ADAMTSL1: variants seen among roughly 807,000 people sequenced by gnomAD.
The protein encoded by ADAMTSL1 is ADAMTS like 1.
ADAMTSL1 carries 126 observed loss-of-function variants against 201.8 expected under a neutral mutation model. That is an observed-to-expected ratio of 0.62 (90% confidence interval 0.54 to 0.72). The LOEUF (loss-of-function observed/expected upper bound fraction) is 0.72, where lower values mean the gene tolerates loss of function less well. Ranked by LOEUF, ADAMTSL1 falls within the 30% of genes least tolerant of loss-of-function variation. ADAMTSL1 has a pLI of 0.00. For synonymous variants in ADAMTSL1, 1,121 were observed against 903.4 expected (o/e 1.24, Z -4.32); for missense variants, 2,679 against 2,277.8 (o/e 1.18, Z -3.59).
chr9:18,348,207 T>C lies in ADAMTSL1; in HGVS notation c.208-156622T>C, dbSNP rs190404205. On this transcript the variant is annotated intron_variant, in intron 2 of 29. Coordinates refer to the ADAMTSL1 transcript ENST00000680146. ...GTATTTTCTGTTTATAATGAACTTT[T>C]AGTTAACTTGGATGGTTAAAACAAA... Among the ~76,000 whole-genome samples, 3 of 152,334 alleles carry C rather than the reference T, an allele frequency of 2.0e-5. No individual in the cohort carries two copies. The East Asian group carries it at 5.8e-4, about 29-fold the overall frequency.
intron 2 of ADAMTSL1, among the ~76,000 whole-genome samples, chr9:18,507,147 A>T (rs1173317850): frequency 6.6e-6 from 1 of 152,234 alleles, no homozygotes; most frequent in Non-Finnish European, 1.5e-5. Flanking sequence ...GATTTGTATT[A>T]TTAGGCTAAA....
At chr9:18,451,558 T>C (rs889645427) in intron 2 of ADAMTSL1, among the ~76,000 whole-genome samples, 2 of 152,202 alleles carry the variant, frequency 1.3e-5, no homozygotes, top group Non-Finnish European at 2.9e-5. Context: ...AAATTTCTAT[T>C]ACTCAACCAG....
chr9:18,769,935 G>C (rs1327785030), intron 16 of ADAMTSL1, among the ~76,000 whole-genome samples: 3 of 152,132 alleles, frequency 2.0e-5, no homozygotes, highest in African/African-American at 7.2e-5. Context: ...CATGCCCCTG[G>C]ATCATAACTA....
intron 1 of ADAMTSL1, among the ~76,000 whole-genome samples, chr9:17,944,038 C>A (rs1005898919): frequency 7.3e-5 from 11 of 151,050 alleles, no homozygotes; most frequent in Admixed American, 2.0e-4. Flanking sequence ...AGCAATCCAC[C>A]CTATGATTCA....
intron 2 of ADAMTSL1, among the ~76,000 whole-genome samples, chr9:18,171,378 G>T (rs1827881551): frequency 6.6e-6 from 1 of 151,778 alleles, no homozygotes; most frequent in African/African-American, 2.4e-5. Context: ...ACTTAACTAG[G>T]ACATAAAAAG....
intron 1 of ADAMTSL1, among the ~76,000 whole-genome samples, chr9:18,049,278 A>G (rs1821815126): frequency 6.6e-6 from 1 of 152,220 alleles, no homozygotes; most frequent in African/African-American, 2.4e-5. Flanking sequence ...TTACATAGTT[A>G]AAATTAATAA....
At chr9:18,325,026 A>G (rs1834773917) in intron 2 of ADAMTSL1, among the ~76,000 whole-genome samples, 1 of 152,206 alleles carries the variant, frequency 6.6e-6, no homozygotes, top group Non-Finnish European at 1.5e-5. Flanking sequence ...GGAAAATGCA[A>G]ATTATAATCA....
In ADAMTSL1 at chr9:18,706,902, C is replaced by A; in HGVS notation, c.1730C>A (p.Ala577Asp). The A allele has an allele frequency of 1.2e-6, 2 of 1,613,974 alleles. No individual in the cohort carries two copies. Among genetic ancestry groups the A allele is most frequent in the Non-Finnish European group, 1.7e-6 (2 of 1,179,882 alleles). Reference protein sequence around the residue: ...CEGPKPASQRACYAGPCSGEI... With the variant: ...CEGPKPASQRDCYAGPCSGEI... ...GGGCCCAAGCCAGCATCCCAGCGTG[C>A]CTGTTATGCAGGCCCATGCAGCGGG... Residue 577 changes from alanine to aspartate, a missense_variant, in exon 14 of 29, where the codon GCC (alanine) becomes GAC (aspartate). Transcript: ENST00000380548.
chr9:18,473,451 A>G (rs1821299113), upstream of ADAMTSL1, among the ~76,000 whole-genome samples: 1 of 152,142 alleles, frequency 6.6e-6, no homozygotes, highest in African/African-American at 2.4e-5. Flanking sequence ...TTCAATTGTC[A>G]CTTTACAGAG....
At chr9:18,601,838 A>G (rs572829394) in intron 4 of ADAMTSL1, among the ~76,000 whole-genome samples, 8 of 151,926 alleles carry the variant, frequency 5.3e-5, no homozygotes, top group African/African-American at 1.9e-4. Context: ...TATTATATAT[A>G]TAGTGTATAT....
chr9:18,255,523 T>G (rs2132510680), intron 2 of ADAMTSL1, among the ~76,000 whole-genome samples: 1 of 152,352 alleles, frequency 6.6e-6, no homozygotes. Flanking sequence ...TGAGCATTTC[T>G]GTGACTCCCC....
At chr9:18,103,236 C>A (rs907777130) in intron 1 of ADAMTSL1, among the ~76,000 whole-genome samples, 6 of 151,892 alleles carry the variant, frequency 4.0e-5, no homozygotes, top group African/African-American at 1.5e-4. Context: ...GACATCTGGG[C>A]TTTTCATTGT....
At chr9:18,787,068 T>C (rs896208863) in intron 19 of ADAMTSL1, among the ~76,000 whole-genome samples, 10 of 152,146 alleles carry the variant, frequency 6.6e-5, no homozygotes, top group African/African-American at 1.9e-4. Flanking sequence ...GTACAAGTCA[T>C]AAGCACATGA....
At chr9:17,973,241 G>T (rs1418289616) in intron 1 of ADAMTSL1, among the ~76,000 whole-genome samples, 10 of 150,576 alleles carry the variant, frequency 6.6e-5, no homozygotes, top group South Asian at 2.1e-4. Context: ...TCCTTGCCCA[G>T]GCCTATGTCC....
intron 23 of ADAMTSL1, among the ~76,000 whole-genome samples, chr9:18,862,612 A>G (rs1827279978): frequency 6.6e-6 from 1 of 152,232 alleles, no homozygotes; most frequent in South Asian, 2.1e-4. Flanking sequence ...TGTGCGTGAT[A>G]GATAAGTATA....
intron 13 of ADAMTSL1, among the ~76,000 whole-genome samples, chr9:18,695,656 A>G (rs1432245137): frequency 6.6e-6 from 1 of 152,206 alleles, no homozygotes; most frequent in Non-Finnish European, 1.5e-5. Context: ...TATCACTAGC[A>G]TTTTGATTAC....
intron 20 of ADAMTSL1, among the ~76,000 whole-genome samples, chr9:18,806,289 C>T (rs1588141212): frequency 6.6e-6 from 1 of 152,182 alleles, no homozygotes; most frequent in African/African-American, 2.4e-5. Flanking sequence ...GTACTTTGGG[C>T]CAAGAAGTGG....
At chr9:17,979,660 G>C (rs561637327) in intron 1 of ADAMTSL1, among the ~76,000 whole-genome samples, 3 of 151,686 alleles carry the variant, frequency 2.0e-5, no homozygotes, top group African/African-American at 7.3e-5. Flanking sequence ...TTTGTTCTTT[G>C]GTGGTATTTT....
chr9:17,938,917 G>A (rs560108982), intron 1 of ADAMTSL1, among the ~76,000 whole-genome samples: 1 of 152,196 alleles, frequency 6.6e-6, no homozygotes, highest in South Asian at 2.1e-4. Flanking sequence ...AAACCCTTTT[G>A]TCTTGTTTTG....
Sources: allele counts gnomAD v4.1 joint callset (sites outside exome capture counted in the v4.1 genomes callset), GRCh38; gene constraint gnomAD v4.1.1; transcripts MANE v1.5; gene names NCBI Gene and HGNC (gene_info 2026-07-23, HGNC 2026-07-21).